Variants in SIPA1L1 observed in about 807,000 individuals in gnomAD.
SIPA1L1 encodes signal induced proliferation associated 1 like 1, also known as signal-induced proliferation-associated 1-like protein 1.
Under a neutral mutation model 162.7 loss-of-function variants are expected in SIPA1L1, and 26 were observed. The ratio of observed to expected loss-of-function variants is 0.16; its 90% CI spans 0.12 to 0.22. SIPA1L1 has a LOEUF of 0.22. Ranked by LOEUF, SIPA1L1 falls within the 10% of genes least tolerant of loss-of-function variation. The probability of loss-of-function intolerance (pLI) is 1.00; values close to 1 mark genes in which losing one functional copy is unlikely to be tolerated. For synonymous variants in SIPA1L1, 829 were observed against 837.4 expected, an observed-to-expected ratio of 0.99 and a Z score of 0.17; for missense variants, 1,874 against 2,241.0, an observed-to-expected ratio of 0.84 and a Z score of 3.31.
chr14:71,543,950 T>TACGCACATGTGTGTATATATACACAC (rs1567179238), intron 4 of SIPA1L1, among the ~76,000 whole-genome samples: 79 of 150,072 alleles, frequency 5.3e-4, no homozygotes, highest in Admixed American at 1.4e-3. Flanking sequence ...TATATACATA[T>TACGCACATGTGTGTATATATACACAC]ACGCACATGT....
At chr14:71,453,996 C>CAAA (rs751420064) in intron 2 of SIPA1L1, among the ~76,000 whole-genome samples, 123 of 76,538 alleles carry the variant, frequency 1.6e-3, no homozygotes, top group African/African-American at 2.1e-3. Context: ...GAGATTGTTT[C>CAAA]AAAAAAAAAA....
intron 13 of SIPA1L1, among the ~76,000 whole-genome samples, chr14:71,692,229 A>G (rs940220467): frequency 4.6e-5 from 7 of 152,262 alleles, no homozygotes; most frequent in African/African-American, 1.7e-4. Context: ...AAAGCACTTG[A>G]TAGTCTGATA....
intron 5 of SIPA1L1, among the ~76,000 whole-genome samples, chr14:71,614,845 A>G (rs1210393699): frequency 1.3e-5 from 2 of 152,198 alleles, no homozygotes; most frequent in African/African-American, 2.4e-5. Context: ...TTTATTATTA[A>G]CAAAGTAACC....
intron 12 of SIPA1L1, among the ~76,000 whole-genome samples, chr14:71,677,279 G>A (rs1269575912): frequency 6.6e-6 from 1 of 152,166 alleles, no homozygotes; most frequent in African/African-American, 2.4e-5. Context: ...CTTCTTTTGC[G>A]AAGTGTCTGT....
Position 71,685,099 on chromosome 14 carries a change from C to T in SIPA1L1, c.3105-263C>T, listed in dbSNP as rs746644363. Among the ~76,000 whole-genome samples the T allele has an allele frequency of 9.2e-5, 14 of 152,110 alleles. 1 individual carries two copies. In the South Asian group the frequency reaches 1.9e-3, roughly 20 times the overall value. On this transcript the variant is annotated intron_variant, in intron 12 of 23. Transcript: ENST00000381232. ...GTAGTCTGGCCACCCCCAGGGTGTC[C>T]GTGGGTCCCATTGTTTTTTAAAGAC...
chr14:71,650,406 C>T lies in SIPA1L1; in HGVS notation c.1890C>T (p.Asn630=). 3 of 1,614,136 alleles carry T rather than the reference C, an allele frequency of 1.9e-6. No homozygotes were observed. The highest frequency in any genetic ancestry group is 1.1e-5 in the South Asian group (1 of 91,082). Residue 630 remains asparagine (N), a synonymous_variant, in exon 8 of 24, where the codon AAC becomes AAT. Coordinates refer to ENST00000381232, the MANE Select transcript of SIPA1L1 (RefSeq NM_001386936.1). ...AGAGCACTGAAGAAGAGATGTACAA[C>T]AATGAGTCAGCTGGCCCAGCCTTTG... ...AGQSTEEEMY[N]NESAGPAFEE... is the part of the protein sequence containing the mutation.
intron 12 of SIPA1L1, among the ~76,000 whole-genome samples, chr14:71,678,731 T>C (rs1348841803): frequency 6.6e-6 from 1 of 152,088 alleles, no homozygotes; most frequent in African/African-American, 2.4e-5. Context: ...CTCCTCCTTG[T>C]ACCTCTGGTA....
chr14:71,611,199 T>C (rs1289230372), intron 5 of SIPA1L1, among the ~76,000 whole-genome samples: 2 of 152,208 alleles, frequency 1.3e-5, no homozygotes, highest in Non-Finnish European at 2.9e-5. Context: ...TCTTATTATG[T>C]CCACTTTGGC....
intron 7 of SIPA1L1, among the ~76,000 whole-genome samples, chr14:71,625,304 T>C (rs140672957): frequency 1.1e-3 from 164 of 149,040 alleles, no homozygotes; most frequent in Non-Finnish European, 1.6e-3. Context: ...TCTCTTCTCT[T>C]TTTTTTTTTT....
intron 2 of SIPA1L1, among the ~76,000 whole-genome samples, chr14:71,446,896 T>TTTTTG (rs2045407540): frequency 7.7e-5 from 7 of 91,254 alleles, no homozygotes; most frequent in Non-Finnish European, 1.2e-4. Flanking sequence ...TGGGCTCTGT[T>TTTTTG]TTTTTTTTTG....
At chr14:71,372,093 C>T (rs1215338034) in intron 2 of SIPA1L1, among the ~76,000 whole-genome samples, 2 of 152,082 alleles carry the variant, frequency 1.3e-5, no homozygotes, top group African/African-American at 4.8e-5. Context: ...GATACTGTCT[C>T]GTTCATGGTT....
chr14:71,678,597 ATTC>A (rs1367399795), intron 12 of SIPA1L1, among the ~76,000 whole-genome samples: 4 of 152,252 alleles, frequency 2.6e-5, no homozygotes, highest in Admixed American at 6.5e-5. Flanking sequence ...TTGGTCTAAA[ATTC>A]TTCTTTTTTG....
At chr14:71,454,480 T>C (rs2046049578) in intron 2 of SIPA1L1, among the ~76,000 whole-genome samples, 1 of 152,210 alleles carries the variant, frequency 6.6e-6, no homozygotes, top group South Asian at 2.1e-4. Flanking sequence ...TAATATTAAG[T>C]AAACATTTTA....
rs762524851 is a variant in SIPA1L1 at position 71,377,027 on chromosome 14, C to T, written c.-465+55846C>T. ...CAAAACCACCATCGTCATTATGGCC[C>T]GTTCTCAGTGAGCTGTTGGGTACAC... On this transcript the variant is annotated intron_variant, in intron 2 of 23. Coordinates refer to ENST00000381232, the MANE Select transcript of SIPA1L1 (RefSeq NM_001386936.1). The surrounding 1 kb of genome is among the most constrained non-coding windows in gnomAD (Gnocchi z 4.8). 7.9e-5 allele frequency among the ~76,000 whole-genome samples: 12 copies of T among 152,310 alleles called. No individual in the cohort carries two copies. Among genetic ancestry groups the T allele is most frequent in the African/African-American group, 2.4e-4 (10 of 41,552 alleles).
At chr14:71,719,319 G>T (rs1333052799) in intron 17 of SIPA1L1, among the ~76,000 whole-genome samples, 1 of 152,144 alleles carries the variant, frequency 6.6e-6, no homozygotes, top group African/African-American at 2.4e-5. Context: ...CAATATCCAT[G>T]TCAAGAATAT....
At chr14:71,538,600 T>C (rs2054107342) in intron 4 of SIPA1L1, among the ~76,000 whole-genome samples, 1 of 152,226 alleles carries the variant, frequency 6.6e-6, no homozygotes, top group African/African-American at 2.4e-5. Flanking sequence ...ACTGTCTTCC[T>C]AAGGTTGTAA....
intron 2 of SIPA1L1, among the ~76,000 whole-genome samples, chr14:71,496,504 A>G (rs1298932675): frequency 1.3e-5 from 2 of 152,174 alleles, no homozygotes; most frequent in Non-Finnish European, 2.9e-5. Context: ...ATCCTTCTAA[A>G]TTTGAGACTT....
In SIPA1L1 at chr14:71,527,381, T is replaced by C. The variant is rs938542992; in HGVS notation, c.-361-1931T>C. 8.5e-5 allele frequency among the ~76,000 whole-genome samples: 13 copies of C among 152,124 alleles called. No individual in the cohort carries two copies. The East Asian group carries it at 2.5e-3, about 29-fold the overall frequency. ...ATGTTGAATTTTTTTTATTTTTTAA[T>C]TTTTTTGTAGTGACAGGGTCTTGCT... On this transcript the variant is annotated intron_variant, in intron 3 of 23. Transcript: ENST00000381232.
chr14:71,666,620 G>A (rs977832479), intron 10 of SIPA1L1, among the ~76,000 whole-genome samples: 1 of 152,126 alleles, frequency 6.6e-6, no homozygotes, highest in Non-Finnish European at 1.5e-5. Context: ...TGTTTAGGAA[G>A]GTAGAAATAT....
Sources: gnomAD v4.1 joint callset for allele counts (sites outside exome capture counted in the v4.1 genomes callset) on GRCh38, gnomAD v4.1.1 for gene constraint, Gnocchi (gnomAD v3.1) non-coding constraint, MANE v1.5 for transcripts, NCBI Gene and HGNC (gene_info 2026-07-23, HGNC 2026-07-21) for gene names.